MAD1L1: variants seen among roughly 807,000 people sequenced by gnomAD.
The protein encoded by MAD1L1 is mitotic arrest deficient 1 like 1.
MAD1L1 carries 95 observed loss-of-function variants against 96.9 expected under a neutral mutation model. The ratio of observed to expected loss-of-function variants is 0.98; its 90% confidence interval spans 0.83 to 1.16. The LOEUF (loss-of-function observed/expected upper bound fraction) is 1.16, where lower values mean the gene tolerates loss of function less well. Among genes scored for constraint, MAD1L1 ranks in the 50% most tolerant of loss-of-function variants. The pLI is 0.00. For synonymous variants in MAD1L1, 473 were observed against 396.6 expected (o/e 1.19, Z -2.29); for missense variants, 1,007 against 954.4 (o/e 1.06, Z -0.73).
In MAD1L1 at chr7:1,950,774, G is replaced by A. The variant is rs186882007; in HGVS notation, c.1596+6855C>T. Reference sequence around the variant, plus strand: ...GGCAAAGCTCAGCATGGGGGGAGCAGCACACGTGGGCAAGTGGGGGATGAG... The same window carrying A: ...GGCAAAGCTCAGCATGGGGGGAGCAACACACGTGGGCAAGTGGGGGATGAG... On this transcript the variant is annotated intron_variant, in intron 16 of 18. Coordinates refer to ENST00000265854, the MANE Select transcript of MAD1L1 (RefSeq NM_001013836.2). 2.2e-4 allele frequency among the ~76,000 whole-genome samples: 33 copies of A among 152,348 alleles called. No homozygotes were observed. In the East Asian group the frequency reaches 5.4e-3, roughly 25 times the overall value.
intron 18 of MAD1L1, among the ~76,000 whole-genome samples, chr7:1,892,684 C>A (rs1308439881): frequency 6.6e-6 from 1 of 152,306 alleles, no homozygotes; most frequent in African/African-American, 2.4e-5. Flanking sequence ...TATGACAAAC[C>A]CGGTAGGTCG....
chr7:2,051,801 C>A (rs116985991), intron 12 of MAD1L1, among the ~76,000 whole-genome samples: 8,036 of 149,036 alleles, frequency 0.054, 325 homozygotes, highest in South Asian at 0.1. Context: ...TTGCTGTCCA[C>A]CCCCCAACCC....
chr7:2,113,074 C>T (rs1787466251), intron 11 of MAD1L1, among the ~76,000 whole-genome samples: 1 of 144,704 alleles, frequency 6.9e-6, no homozygotes, highest in Non-Finnish European at 1.6e-5. Flanking sequence ...GCAAAGCGTC[C>T]CACTCAGGAA....
chr7:1,930,705 G>A (rs1384700681), intron 17 of MAD1L1, among the ~76,000 whole-genome samples: 3 of 151,452 alleles, frequency 2.0e-5, no homozygotes, highest in Non-Finnish European at 1.5e-5. Context: ...CCCCCGAGAT[G>A]CTGGGTGATC....
intron 17 of MAD1L1, among the ~76,000 whole-genome samples, chr7:1,925,994 T>C (rs1044131283): frequency 1.3e-5 from 2 of 151,184 alleles, no homozygotes; most frequent in Non-Finnish European, 1.5e-5. Flanking sequence ...GTGAAATTTA[T>C]ACATCTCCAG....
At chr7:1,874,094 C>T (rs1199377139) in intron 18 of MAD1L1, among the ~76,000 whole-genome samples, 3 of 152,206 alleles carry the variant, frequency 2.0e-5, no homozygotes, top group Non-Finnish European at 4.4e-5. Context: ...CCGGGGATCC[C>T]GGGACGGTGT....
chr7:2,004,615 C>A (rs1024714307), intron 13 of MAD1L1, among the ~76,000 whole-genome samples: 3 of 152,216 alleles, frequency 2.0e-5, no homozygotes, highest in African/African-American at 7.2e-5. Context: ...ACCACGGTGG[C>A]CAGCCCAGGG....
chr7:2,003,102 C>CAGGT (rs1366187442), intron 13 of MAD1L1, among the ~76,000 whole-genome samples: 1 of 152,274 alleles, frequency 6.6e-6, no homozygotes, highest in Non-Finnish European at 1.5e-5. Context: ...AGGAGTGAGG[C>CAGGT]AGGTGGCTGT....
At chr7:1,948,062 G>A (rs1447961908) in intron 16 of MAD1L1, among the ~76,000 whole-genome samples, 3 of 152,192 alleles carry the variant, frequency 2.0e-5, no homozygotes, top group African/African-American at 7.2e-5. Context: ...AGAACCCCGA[G>A]AGCTCCCTTT....
chr7:2,120,183 C>T (rs1003210331), intron 11 of MAD1L1, among the ~76,000 whole-genome samples: 1 of 152,228 alleles, frequency 6.6e-6, no homozygotes, highest in Non-Finnish European at 1.5e-5. Flanking sequence ...CTTTGCCCAA[C>T]ACAGTCTCCC....
chr7:1,981,254 G>A (rs892116237), intron 14 of MAD1L1, among the ~76,000 whole-genome samples: 14 of 152,192 alleles, frequency 9.2e-5, no homozygotes, highest in East Asian at 3.9e-4. Flanking sequence ...AGCGTGAGCC[G>A]GTGTGCCCGG....
intron 12 of MAD1L1, among the ~76,000 whole-genome samples, chr7:2,056,984 C>T (rs909032726): frequency 9.2e-5 from 14 of 152,248 alleles, no homozygotes; most frequent in African/African-American, 3.4e-4. Context: ...CAGATGGACA[C>T]AGCTCTCCCC....
At chr7:2,137,699 G>C (rs757043381) in intron 11 of MAD1L1, among the ~76,000 whole-genome samples, 3 of 152,156 alleles carry the variant, frequency 2.0e-5, no homozygotes, top group Non-Finnish European at 4.4e-5. Flanking sequence ...ATGGTCCCGG[G>C]TCACCTCAAA....
chr7:2,031,159 G>C (rs997929137), intron 12 of MAD1L1, among the ~76,000 whole-genome samples: 1 of 152,154 alleles, frequency 6.6e-6, no homozygotes, highest in East Asian at 1.9e-4. Context: ...TGAACACCAG[G>C]CCGCTCAGAG....
At chr7:1,925,713 T>C (rs1261697752) in intron 17 of MAD1L1, among the ~76,000 whole-genome samples, 2 of 152,230 alleles carry the variant, frequency 1.3e-5, no homozygotes, top group Admixed American at 6.5e-5. Flanking sequence ...TAATGGAAAT[T>C]TGAAAATGTT....
chr7:2,171,683 G>A (rs556598428), intron 10 of MAD1L1, among the ~76,000 whole-genome samples: 2 of 150,394 alleles, frequency 1.3e-5, no homozygotes, highest in African/African-American at 4.9e-5. Flanking sequence ...AGTCACCTCC[G>A]CCATGCAAAG....
intron 18 of MAD1L1, among the ~76,000 whole-genome samples, chr7:1,818,191 G>A (rs1781927741): frequency 6.6e-6 from 1 of 152,078 alleles, no homozygotes; most frequent in Non-Finnish European, 1.5e-5. Flanking sequence ...CAGGGGTGGG[G>A]AGGCAGTGTG....
intron 14 of MAD1L1, among the ~76,000 whole-genome samples, chr7:1,989,333 G>A (rs34809719): frequency 6.6e-6 from 1 of 152,202 alleles, no homozygotes; most frequent in Non-Finnish European, 1.5e-5. Context: ...TCTTAGTTAC[G>A]ATTAGTCTGG....
intron 18 of MAD1L1, among the ~76,000 whole-genome samples, chr7:1,822,442 AT>A (rs751430006): frequency 0.15 from 20,459 of 140,448 alleles, 1,917 homozygotes; most frequent in South Asian, 0.27. Context: ...ATATATATAT[AT>A]TTTTTTTTTT....
Sources: gnomAD v4.1 joint callset for allele counts (sites outside exome capture counted in the v4.1 genomes callset) on GRCh38, gnomAD v4.1.1 for gene constraint, MANE v1.5 for transcripts, NCBI Gene and HGNC (gene_info 2026-07-23, HGNC 2026-07-21) for gene names.